Variants in RHPN1 observed in about 807,000 individuals in gnomAD.
The protein encoded by RHPN1 is rhophilin Rho GTPase binding protein 1.
In RHPN1, 77 loss-of-function variants were observed where a neutral mutation model predicts 74.7. The observed-to-expected ratio is 1.03, with a 90% CI of 0.86 to 1.25. The LOEUF (loss-of-function observed/expected upper bound fraction) is 1.25. Ranked by LOEUF, RHPN1 falls within the 50% of genes most tolerant of loss-of-function variation. The probability of loss-of-function intolerance (pLI) is 0.00; values close to 1 mark genes in which losing one functional copy is unlikely to be tolerated. For missense variants in RHPN1, 987 were observed against 932.2 expected (o/e 1.06, Z -0.77); for synonymous variants, 444 against 414.5 (o/e 1.07, Z -0.87).
intron 3 of RHPN1, 65 bp downstream of exon 3, chr8:143,376,718 T>A: frequency 6.7e-7 from 1 of 1,486,922 alleles, no homozygotes; most frequent in East Asian, 2.5e-5. Flanking sequence ...TGTGTGTGCA[T>A]GTGTGTGCAC....
At position 143,379,917 on chromosome 8, in the gene RHPN1, A is replaced by G. The variant is rs1563801369; in HGVS notation, c.1034A>G (p.His345Arg). The change falls in exon 9 of 15, where the codon CAT (histidine) becomes CGT (arginine). Residue 345 changes from histidine to arginine, a missense_variant. Transcript: ENST00000289013. ...YVPVSWTALV[H>R]VKAEYFRSLA... ...CCTGTCTCCTGGACTGCCCTGGTGC[A>G]TGTCAAGGCCGAGTACTTCCGCTCC... 2.5e-6 allele frequency: 4 copies of G among 1,601,510 alleles called. No individual in the cohort carries two copies. The highest frequency in any genetic ancestry group is 2.3e-5 in the East Asian group (1 of 44,336).
chr8:143,380,660 C>T lies in RHPN1; in HGVS notation c.1288C>T (p.Leu430=), dbSNP rs1355187441. The T allele has an allele frequency of 4.5e-6, 7 of 1,570,872 alleles. No homozygotes were observed. Among genetic ancestry groups the T allele is most frequent in the Non-Finnish European group, 6.0e-6 (7 of 1,158,786 alleles). Residue 430 remains leucine, a synonymous_variant, in exon 11 of 15, where the codon CTG becomes TTG. Coordinates refer to ENST00000289013, the MANE Select transcript of RHPN1 (RefSeq NM_052924.3). ...GCGGCTGCACGCCCTGTGCCGCGTC[C>T]TGCGCGAGGTGGACCTGCTTCGGGC... ...ALRLHALCRV[L]REVDLLRAVI...
upstream of RHPN1, among the ~76,000 whole-genome samples, chr8:143,365,873 A>G (rs1334981833): frequency 1.3e-5 from 2 of 151,952 alleles, no homozygotes; most frequent in Admixed American, 6.6e-5. Flanking sequence ...GGCGCATGCA[A>G]GCGGTCCCTG....
chr8:143,378,356 T>TCCCCCCCCCCCCCCCCCC lies in RHPN1; in HGVS notation c.459+15_459+16insCCCCCCCCCCCCCCCCCC. The TCCCCCCCCCCCCCCCCCC allele has an allele frequency of 2.0e-6, 3 of 1,525,440 alleles. No individual in the cohort carries two copies. The highest frequency in any genetic ancestry group is 2.4e-5 in the South Asian group (2 of 83,568). The allele number at this position is 1,525,440 out of a possible 1,614,324, so 94.5% of individuals were successfully genotyped here. A position where few individuals can be genotyped will look rare whatever the true frequency, so the allele number is the denominator to read the frequency against. On this transcript the variant is annotated intron_variant, in intron 5 of 14. Coordinates refer to ENST00000289013, the MANE Select transcript of RHPN1 (RefSeq NM_052924.3). ...GGAGGCCCTGCGGCAGGTGTGTGGT[T>TCCCCCCCCCCCCCCCCCC]CCCCCGCCCACCCACCCTCCTGCAG...
At position 143,379,031 on chromosome 8, in the gene RHPN1, G is replaced by A. The variant is rs1010379318; in HGVS notation, c.704G>A (p.Cys235Tyr). The change falls in exon 7 of 15, where the codon TGC becomes TAC. Residue 235 changes from cysteine to tyrosine, a missense_variant. Physicochemically the swap from Cys to Tyr is radical, Grantham distance 194. Coordinates refer to ENST00000289013, the MANE Select transcript of RHPN1 (RefSeq NM_052924.3). ...TQIGARQDRS[C>Y]TEGARRAMEA... ...ATTGGGGCGCGCCAGGACCGCTCCT[G>A]CACCGAGGGTGCCCGCCGCGCTATG... is the stretch of plus-strand genomic sequence containing the variant. 4 of 1,545,978 alleles carry A rather than the reference G, an allele frequency of 2.6e-6. No individual in the cohort carries two copies.
chr8:143,374,193 G>T lies in RHPN1; in HGVS notation c.61-1360G>T, dbSNP rs1359604663. 4 of 985,332 alleles carry T rather than the reference G, an allele frequency of 4.1e-6. No homozygotes were observed. The Admixed American group carries it at 2.5e-4, about 61-fold the overall frequency. 61.0% of individuals were successfully genotyped at this position (985,332 alleles called of 1,614,324 possible). A position where few individuals can be genotyped will look rare whatever the true frequency, so the allele number is the denominator to read the frequency against. On this transcript the variant is annotated intron_variant, in intron 1 of 14. Transcript: ENST00000289013. ...AGCTCTTTACGGGGAAGACGGGAAG[G>T]CCTGAGAGACGTGTGTGCGTGGAGA...
chr8:143,371,969 C>T (rs1302911657), intron 1 of RHPN1, among the ~76,000 whole-genome samples: 2 of 152,242 alleles, frequency 1.3e-5, no homozygotes, highest in Non-Finnish European at 2.9e-5. Flanking sequence ...CTCAAAGGTC[C>T]GGCTCGGGTC....
In RHPN1 at chr8:143,378,356, T is replaced by TCACCCCCC; in HGVS notation, c.459+11_459+12insACCCCCCC. On this transcript the variant is annotated intron_variant, in intron 5 of 14. Transcript: ENST00000289013. Reference sequence around the variant, plus strand: ...GGAGGCCCTGCGGCAGGTGTGTGGTTCCCCCGCCCACCCACCCTCCTGCAG... The same window carrying TCACCCCCC: ...GGAGGCCCTGCGGCAGGTGTGTGGTTCACCCCCCCCCCCGCCCACCCACCCTCCTGCAG... 1 of 1,525,440 alleles carries TCACCCCCC rather than the reference T, an allele frequency of 6.6e-7. No individual in the cohort carries two copies. The highest frequency in any genetic ancestry group is 8.8e-7 in the Non-Finnish European group (1 of 1,136,350). 94.5% of individuals were successfully genotyped at this position (1,525,440 alleles called of 1,614,324 possible).
chr8:143,367,574 T>C (rs1401901357), upstream of RHPN1: 1 of 152,246 alleles, frequency 6.6e-6, no homozygotes, highest in Non-Finnish European at 1.5e-5. Flanking sequence ...AGGCTGTTGC[T>C]GGGAGGGGCC....
At chr8:143,371,952 A>G (rs1158478647) in intron 1 of RHPN1, among the ~76,000 whole-genome samples, 1 of 152,164 alleles carries the variant, frequency 6.6e-6, no homozygotes, top group East Asian at 1.9e-4. Flanking sequence ...TCCAAGGTCT[A>G]CCCAGCCTCA....
rs981111397 is a variant in RHPN1 at position 143,368,930 on chromosome 8, G to T, written c.-58G>T. On this transcript the variant is annotated 5_prime_UTR_variant, in exon 1 of 15. Transcript: ENST00000289013. Reference sequence around the variant, plus strand: ...GGCGGCCCTAGCCCGGCTGCGGAGCGCTGCGCGAGCGGCGGGCTGGCTGAC... The same window carrying T: ...GGCGGCCCTAGCCCGGCTGCGGAGCTCTGCGCGAGCGGCGGGCTGGCTGAC... 1.2e-5 allele frequency: 17 copies of T among 1,365,618 alleles called. No homozygotes were observed. The African/African-American group carries it at 2.6e-4, about 21-fold the overall frequency. The allele number at this position is 1,365,618 out of a possible 1,614,324, so 84.6% of individuals were successfully genotyped here.
At chr8:143,375,736 G>A (rs566275368) in intron 2 of RHPN1, 68 bp downstream of exon 2, 8 of 1,193,170 alleles carry the variant, frequency 6.7e-6, no homozygotes, top group African/African-American at 6.2e-5. Context: ...GGACAGCCAC[G>A]CAGGCAGATG....
chr8:143,374,592 A>G (rs2450770), intron 1 of RHPN1, among the ~76,000 whole-genome samples: 28,827 of 152,238 alleles, frequency 0.19, 4,340 homozygotes, highest in African/African-American at 0.43. Context: ...CTGGGAGCCC[A>G]CCCAGGGGAC....
chr8:143,375,983 T>C (rs10111312), intron 2 of RHPN1, among the ~76,000 whole-genome samples: 134,888 of 152,278 alleles, frequency 0.89, 62,042 homozygotes, highest in East Asian at 1. Context: ...TGGCAGGTGA[T>C]GGCGCGTCCC....
At chr8:143,372,240 C>T (rs1360878306) in intron 1 of RHPN1, among the ~76,000 whole-genome samples, 2 of 120,624 alleles carry the variant, frequency 1.7e-5, no homozygotes, top group Non-Finnish European at 3.4e-5. Flanking sequence ...GTGGGTGGCA[C>T]GGGGGTCTCC....
At position 143,376,528 on chromosome 8, in the gene RHPN1, C is replaced by T; in HGVS notation, c.180C>T (p.Ala60=). 6.2e-7 allele frequency: 1 copy of T among 1,612,240 alleles called. No homozygotes were observed. Among genetic ancestry groups the T allele is most frequent in the Non-Finnish European group, 8.5e-7 (1 of 1,179,508 alleles). The change falls in exon 3 of 15, where the codon GCC becomes GCT. Residue 60 remains alanine, a synonymous_variant. Transcript: ENST00000289013. ...MRTGAENLYR[A]TSNNRVRETV... Reference sequence around the variant, plus strand: ...CAACTGCCGCGGCCTCCCTCAGAGCCACCAGCAACAACCGGGTGAGAGAGA... The same window carrying T: ...CAACTGCCGCGGCCTCCCTCAGAGCTACCAGCAACAACCGGGTGAGAGAGA...
At chr8:143,374,432 A>G (rs916152986) in intron 1 of RHPN1, 4 of 657,984 alleles carry the variant, frequency 6.1e-6, no homozygotes, top group African/African-American at 5.9e-5. Flanking sequence ...ACTGGCAGAA[A>G]TGGCCAGGTT....
intron 10 of RHPN1, 178 bp downstream of exon 10, chr8:143,380,353 G>C: frequency 1.5e-6 from 1 of 664,684 alleles, no homozygotes; most frequent in Non-Finnish European, 2.5e-6. Context: ...AGGGGCCCCA[G>C]GAGTGCTGGG....
rs1032378614 is a variant in RHPN1 at position 143,378,799 on chromosome 8, G to T, written c.563G>T (p.Ser188Ile). 7.7e-6 allele frequency: 12 copies of T among 1,565,310 alleles called. No individual in the cohort carries two copies. The highest frequency in any genetic ancestry group is 1.0e-5 in the Non-Finnish European group (12 of 1,155,324). ...GCGCGCTTCCTCACCCCTGCCAGGA[G>T]CCTCGGGCTCTTCTTCCACTGGTAG... ...LDARFLTPAR[S>I]LGLFFHWYDS... Residue 188 changes from serine (S) to isoleucine (I), a missense_variant, in exon 6 of 15, where the codon AGC (serine) becomes ATC (isoleucine). Physicochemically the swap from Ser to Ile is moderately radical, Grantham distance 142 (BLOSUM62 -2). Transcript: ENST00000289013.
Sources: gnomAD v4.1 joint callset for allele counts (sites outside exome capture counted in the v4.1 genomes callset) on GRCh38, gnomAD v4.1.1 for gene constraint, MANE v1.5 for transcripts, NCBI Gene and HGNC (gene_info 2026-07-23, HGNC 2026-07-21) for gene names.